Variants in MAML3 observed in about 807,000 individuals in gnomAD.
MAML3 encodes the protein mastermind like transcriptional coactivator 3, also known as mastermind-like protein 3.
MAML3 carries 27 observed loss-of-function variants against 101.9 expected under a neutral mutation model. That is an observed-to-expected ratio of 0.27 (90% CI 0.20 to 0.37). The LOEUF is 0.37. Among genes scored for constraint, MAML3 ranks in the 10% least tolerant of loss-of-function variants. The pLI, the probability that MAML3 is intolerant of heterozygous loss-of-function variation, is 1.00. For synonymous variants in MAML3, 501 were observed against 555.9 expected, an observed-to-expected ratio of 0.90 and a Z score of 1.39; for missense variants, 1,316 against 1,444.9, an observed-to-expected ratio of 0.91 and a Z score of 1.45.
At chr4:139,909,128 C>A (rs2111221314) in intron 1 of MAML3, among the ~76,000 whole-genome samples, 1 of 152,282 alleles carries the variant, frequency 6.6e-6, no homozygotes, top group East Asian at 1.9e-4. Flanking sequence ...GAAGCAGAAC[C>A]AGTTTCGTGA....
At position 139,890,157 on chromosome 4, in the gene MAML3, G is replaced by C. The variant is rs541652595; in HGVS notation, c.1279C>G (p.Pro427Ala). ...SPQTPNQAHT[P>A]GQAPPRPGNG... Reference sequence around the variant, plus strand: ...CCAGGCCGAGGTGGAGCTTGGCCTGGAGTGTGGGCTTGGTTTGGAGTTTGA... The same window carrying C: ...CCAGGCCGAGGTGGAGCTTGGCCTGCAGTGTGGGCTTGGTTTGGAGTTTGA... The change falls in exon 2 of 5, where the codon CCA becomes GCA. Residue 427 changes from proline (P) to alanine (A), a missense_variant. Transcript: ENST00000509479. This position sits in a 1 kb window ranked among gnomAD's most constrained non-coding sequence, Gnocchi z 4.1. 6.2e-7 allele frequency: 1 copy of C among 1,613,628 alleles called. No homozygotes were observed.
intron 1 of MAML3, chr4:140,134,417 C>G (rs1436737409): frequency 4.4e-6 from 2 of 456,604 alleles, no homozygotes; most frequent in South Asian, 3.1e-5. Flanking sequence ...AGATGTTCCC[C>G]AACCCTGAAT....
At chr4:139,947,880 T>A (rs562091870) in intron 1 of MAML3, among the ~76,000 whole-genome samples, 66 of 152,204 alleles carry the variant, frequency 4.3e-4, no homozygotes, top group Admixed American at 4.1e-3. Context: ...GGTGGGCGGA[T>A]CACCTGAGGT....
chr4:139,933,509 G>A (rs1165557029), intron 1 of MAML3, among the ~76,000 whole-genome samples: 3 of 152,164 alleles, frequency 2.0e-5, no homozygotes, highest in East Asian at 1.9e-4. Flanking sequence ...TCTCATGCAC[G>A]TGAATTTGCT....
intron 2 of MAML3, among the ~76,000 whole-genome samples, chr4:139,881,509 G>A (rs904315844): frequency 9.2e-5 from 14 of 152,042 alleles, no homozygotes; most frequent in Admixed American, 2.0e-4. Context: ...GGTTCTAGGC[G>A]AATCACCCTA....
chr4:139,746,687 G>T (rs928860874), intron 2 of MAML3, among the ~76,000 whole-genome samples: 1 of 152,082 alleles, frequency 6.6e-6, no homozygotes, highest in Non-Finnish European at 1.5e-5. Context: ...CTGGACCTCC[G>T]CAGGCAGCCA....
intron 1 of MAML3, among the ~76,000 whole-genome samples, chr4:139,944,430 T>G (rs1332584935): frequency 6.6e-6 from 1 of 152,130 alleles, no homozygotes; most frequent in Non-Finnish European, 1.5e-5. Context: ...ATATGCAGTG[T>G]TTGGTTTTTT....
At chr4:139,777,398 G>A (rs1416546369) in intron 2 of MAML3, among the ~76,000 whole-genome samples, 14 of 152,164 alleles carry the variant, frequency 9.2e-5, no homozygotes, top group South Asian at 2.1e-4. Flanking sequence ...AAGAAGATCT[G>A]AATTTGATCA....
At position 139,942,332 on chromosome 4, in the gene MAML3, G is replaced by A. The variant is rs112657708; in HGVS notation, c.469-51365C>T. Among the ~76,000 whole-genome samples the A allele has an allele frequency of 4.6e-5, 7 of 152,248 alleles. No homozygotes were observed. In the East Asian group the frequency reaches 9.6e-4, roughly 21 times the overall value. On this transcript the variant is annotated intron_variant, in intron 1 of 4. Coordinates refer to ENST00000509479, the MANE Select transcript of MAML3 (RefSeq NM_018717.5). ...TTAGGAGTCCATGCCCACTTACAGC[G>A]TCATGTCATTAAGGCTGATGAACAC... is the stretch of plus-strand genomic sequence containing the variant.
chr4:139,836,437 C>A (rs1281252707), intron 2 of MAML3, among the ~76,000 whole-genome samples: 1 of 152,170 alleles, frequency 6.6e-6, no homozygotes, highest in Non-Finnish European at 1.5e-5. Flanking sequence ...AGGGTGGTGA[C>A]AGGAAATACC....
In MAML3 at chr4:140,096,469, G is replaced by A. The variant is rs979241102; in HGVS notation, c.468+56391C>T. On this transcript the variant is annotated intron_variant, in intron 1 of 4. Transcript: ENST00000509479. ...AGTTCACATGCTTGTCCACACACAA[G>A]TTAAAGAGGTAACTTGTGGAAGGGG... is the stretch of plus-strand genomic sequence containing the variant. 4.6e-5 allele frequency among the ~76,000 whole-genome samples: 7 copies of A among 152,114 alleles called. No individual in the cohort carries two copies. In the East Asian group the frequency reaches 1.3e-3, roughly 29 times the overall value.
intron 1 of MAML3, among the ~76,000 whole-genome samples, chr4:140,071,182 G>A (rs975509976): frequency 1.3e-5 from 2 of 152,160 alleles, no homozygotes; most frequent in Non-Finnish European, 2.9e-5. Context: ...GTCTGAAAGA[G>A]CTGCTGCAGA....
At chr4:139,851,486 T>C (rs1424012912) in intron 2 of MAML3, among the ~76,000 whole-genome samples, 1 of 152,214 alleles carries the variant, frequency 6.6e-6, no homozygotes, top group Admixed American at 6.5e-5. Flanking sequence ...AGCAACCAAA[T>C]TGTCTTAGAA....
At chr4:140,110,616 T>TA (rs1728425110) in intron 1 of MAML3, among the ~76,000 whole-genome samples, 1 of 152,170 alleles carries the variant, frequency 6.6e-6, no homozygotes, top group Non-Finnish European at 1.5e-5. Context: ...GAAAAGTACT[T>TA]ACAGGAAAGA....
chr4:139,728,681 A>G (rs1459676191), intron 3 of MAML3, among the ~76,000 whole-genome samples: 1 of 152,128 alleles, frequency 6.6e-6, no homozygotes, highest in African/African-American at 2.4e-5. Flanking sequence ...TGTCTTTCCC[A>G]AGAAGCCCCA....
intron 1 of MAML3, among the ~76,000 whole-genome samples, chr4:140,139,538 C>T (rs183982473): frequency 2.0e-5 from 3 of 152,200 alleles, no homozygotes; most frequent in Admixed American, 6.5e-5. Context: ...ACAACAACAA[C>T]AAAATCCATA....
chr4:140,033,805 A>G (rs1205814776), intron 1 of MAML3, among the ~76,000 whole-genome samples: 1 of 152,256 alleles, frequency 6.6e-6, no homozygotes, highest in African/African-American at 2.4e-5. Context: ...AAATGTTGGC[A>G]TGGCACTGGG....
chr4:139,761,343 G>T (rs1447119220), intron 2 of MAML3, among the ~76,000 whole-genome samples: 1 of 152,180 alleles, frequency 6.6e-6, no homozygotes, highest in African/African-American at 2.4e-5. Context: ...CATGGAACAG[G>T]TTGCTTCATT....
At chr4:139,828,323 C>T (rs1047259712) in intron 2 of MAML3, among the ~76,000 whole-genome samples, 1 of 152,214 alleles carries the variant, frequency 6.6e-6, no homozygotes, top group Non-Finnish European at 1.5e-5. Flanking sequence ...CAAAAAAATT[C>T]AAGTCAAACA....
Sources: allele counts gnomAD v4.1 joint callset (sites outside exome capture counted in the v4.1 genomes callset), GRCh38; gene constraint gnomAD v4.1.1; non-coding constraint Gnocchi (gnomAD v3.1); transcripts MANE v1.5; gene names NCBI Gene and HGNC (gene_info 2026-07-23, HGNC 2026-07-21).